The following GALNT10 variants were observed in gnomAD, a reference collection of about 807,000 sequenced individuals.
The protein encoded by GALNT10 is polypeptide N-acetylgalactosaminyltransferase 10.
GALNT10 carries 41 observed loss-of-function variants against 75.0 expected under a neutral mutation model. The observed-to-expected ratio is 0.55, with a 90% CI of 0.43 to 0.71. The LOEUF (loss-of-function observed/expected upper bound fraction) is 0.71, where lower values mean the gene tolerates loss of function less well. GALNT10 is among the 30% of genes least tolerant of loss of function. GALNT10 has a pLI of 0.00. For synonymous variants in GALNT10, 302 were observed against 313.0 expected, an observed-to-expected ratio of 0.96 and a Z score of 0.37; for missense variants, 727 against 818.5, an observed-to-expected ratio of 0.89 and a Z score of 1.36.
chr5:154,260,844 C>G (rs1341780376), intron 1 of GALNT10, among the ~76,000 whole-genome samples: 1 of 152,172 alleles, frequency 6.6e-6, no homozygotes, highest in Non-Finnish European at 1.5e-5. Flanking sequence ...CATTTAGATG[C>G]TGATCACAAC....
chr5:154,190,781 T>C lies in GALNT10; in HGVS notation c.-86T>C. Reference sequence around the variant, plus strand: ...CAGCCGCTTCTGCTGGCTGAGCTGCTGCCGCCGCCGGGCGGACGGGCGGAC... The same window carrying C: ...CAGCCGCTTCTGCTGGCTGAGCTGCCGCCGCCGCCGGGCGGACGGGCGGAC... On this transcript the variant is annotated 5_prime_UTR_variant, in exon 1 of 12. Transcript: ENST00000297107. 1 of 402,160 alleles carries C rather than the reference T, an allele frequency of 2.5e-6. No individual in the cohort carries two copies. Among genetic ancestry groups the C allele is most frequent in the Non-Finnish European group, 3.2e-6 (1 of 309,332 alleles). 24.9% of individuals were successfully genotyped at this position (402,160 alleles called of 1,614,324 possible).
intron 1 of GALNT10, among the ~76,000 whole-genome samples, chr5:154,244,618 G>A (rs1753391492): frequency 6.6e-6 from 1 of 152,112 alleles, no homozygotes; most frequent in African/African-American, 2.4e-5. Flanking sequence ...CTGGAGGACT[G>A]CCCAGGATGG....
chr5:154,417,198 CAG>C lies in GALNT10; in HGVS notation c.*230_*231del, dbSNP rs1756532710. ...ATCCCACAAGAGGCCCCACAGGGAGCAGAGACTGCTTTAATCCCTGCTGACAT... is the reference window on the plus strand; with the variant it reads ...ATCCCACAAGAGGCCCCACAGGGAGCAGACTGCTTTAATCCCTGCTGACAT... On this transcript the variant is annotated 3_prime_UTR_variant, in exon 12 of 12. Coordinates refer to ENST00000297107, the MANE Select transcript of GALNT10 (RefSeq NM_198321.4). 3 of 546,654 alleles carry C rather than the reference CAG, an allele frequency of 5.5e-6. No homozygotes were observed. The highest frequency in any genetic ancestry group is 9.8e-6 in the Non-Finnish European group (3 of 304,904). 33.9% of individuals were successfully genotyped at this position (546,654 alleles called of 1,614,324 possible).
intron 7 of GALNT10, chr5:154,389,061 T>G (rs933426110): frequency 2.0e-5 from 3 of 151,918 alleles, no homozygotes; most frequent in Non-Finnish European, 4.4e-5. Context: ...GGTGTTGATA[T>G]GCATTCTGAG....
rs775064214 is a variant in GALNT10 at position 154,329,696 on chromosome 5, C to G, written c.526C>G (p.Leu176Val). 4 of 1,613,788 alleles carry G rather than the reference C, an allele frequency of 2.5e-6. No homozygotes were observed. The highest frequency in any genetic ancestry group is 3.4e-6 in the Non-Finnish European group (4 of 1,179,678). The change falls in exon 4 of 12, where the codon CTG (leucine) becomes GTG (valine). Residue 176 changes from leucine to valine, a missense_variant. Coordinates refer to ENST00000297107, the MANE Select transcript of GALNT10 (RefSeq NM_198321.4). ...TGTGCTCAATCGCTCGCCTCCAGAG[C>G]TGGTCGCCGAGATTGTACTGGTCGA... ...HSVLNRSPPE[L>V]VAEIVLVDDF...
In GALNT10 at chr5:154,190,813, A is replaced by G; in HGVS notation, c.-54A>G. Reference sequence around the variant, plus strand: ...GCCGGGCGGACGGGCGGACGCGCGGAGCTGGGGGCGGCGCGGCGGGGCCGG... The same window carrying G: ...GCCGGGCGGACGGGCGGACGCGCGGGGCTGGGGGCGGCGCGGCGGGGCCGG... On this transcript the variant is annotated 5_prime_UTR_variant, in exon 1 of 12. Transcript: ENST00000297107. The G allele has an allele frequency of 1.0e-6, 1 of 981,922 alleles. No individual in the cohort carries two copies. Among genetic ancestry groups the G allele is most frequent in the Non-Finnish European group, 1.2e-6 (1 of 813,148 alleles). The allele number at this position is 981,922 out of a possible 1,614,324, so 60.8% of individuals were successfully genotyped here. A position where few individuals can be genotyped will look rare whatever the true frequency, so the allele number is the denominator to read the frequency against.
At chr5:154,414,455 T>C (rs1756464227) in intron 10 of GALNT10, among the ~76,000 whole-genome samples, 1 of 152,062 alleles carries the variant, frequency 6.6e-6, no homozygotes, top group African/African-American at 2.4e-5. Flanking sequence ...TCAACAAAAT[T>C]ATGTTGAGTG....
chr5:154,332,202 C>T (rs971319107), intron 4 of GALNT10, among the ~76,000 whole-genome samples: 7 of 152,186 alleles, frequency 4.6e-5, no homozygotes, highest in Non-Finnish European at 4.4e-5. Flanking sequence ...GATTGATTTT[C>T]TGCAGCATAA....
At chr5:154,405,753 G>A (rs1049942263) in intron 8 of GALNT10, among the ~76,000 whole-genome samples, 2 of 152,062 alleles carry the variant, frequency 1.3e-5, no homozygotes, top group Non-Finnish European at 2.9e-5. Flanking sequence ...AGCTGAGGTG[G>A]GAAGATCACT....
chr5:154,405,868 T>C (rs1196306378), intron 8 of GALNT10, among the ~76,000 whole-genome samples: 2 of 107,584 alleles, frequency 1.9e-5, no homozygotes, highest in East Asian at 8.5e-4. Context: ...GTTGTTGTTG[T>C]TGCTGTTGTT....
chr5:154,334,313 G>A (rs74956379), intron 4 of GALNT10, among the ~76,000 whole-genome samples: 1,721 of 152,336 alleles, frequency 0.011, 31 homozygotes, highest in African/African-American at 0.039. Context: ...AATAATCCTG[G>A]CCCTGCTTAC....
chr5:154,243,699 C>T (rs1753375672), intron 1 of GALNT10, among the ~76,000 whole-genome samples: 1 of 152,214 alleles, frequency 6.6e-6, no homozygotes, highest in Admixed American at 6.5e-5. Flanking sequence ...GGGTCTGTCA[C>T]AGAGTAAACC....
At chr5:154,335,831 T>C (rs541888462) in intron 4 of GALNT10, among the ~76,000 whole-genome samples, 1 of 152,310 alleles carries the variant, frequency 6.6e-6, no homozygotes, top group African/African-American at 2.4e-5. Context: ...TACATCACTT[T>C]CTCCTAAAAT....
chr5:154,244,628 G>A (rs1371837749), intron 1 of GALNT10, among the ~76,000 whole-genome samples: 3 of 152,142 alleles, frequency 2.0e-5, no homozygotes, highest in Non-Finnish European at 4.4e-5. Context: ...GCCCAGGATG[G>A]AGTGATAATC....
chr5:154,347,061 T>A (rs1755132992), intron 4 of GALNT10: 1 of 438,240 alleles, frequency 2.3e-6, no homozygotes, highest in South Asian at 1.7e-5. Context: ...AAACCATCAT[T>A]AATAATAATA....
chr5:154,191,326 A>T (rs892094193), intron 1 of GALNT10, among the ~76,000 whole-genome samples: 5 of 151,802 alleles, frequency 3.3e-5, no homozygotes, highest in Admixed American at 6.6e-5. Flanking sequence ...CTTTTGAAGG[A>T]TCCTATCTGC....
intron 1 of GALNT10, among the ~76,000 whole-genome samples, chr5:154,253,610 C>T (rs1221609684): frequency 6.6e-6 from 1 of 150,398 alleles, no homozygotes; most frequent in Non-Finnish European, 1.5e-5. Flanking sequence ...GACATCAGTA[C>T]TTTTAAGTTA....
chr5:154,252,878 C>T (rs1388622117), intron 1 of GALNT10, among the ~76,000 whole-genome samples: 3 of 151,678 alleles, frequency 2.0e-5, no homozygotes, highest in African/African-American at 7.3e-5. Context: ...TCTCTGTAGT[C>T]ACTTTCTCTT....
At chr5:154,283,142 C>T (rs540919538) in intron 1 of GALNT10, among the ~76,000 whole-genome samples, 3 of 151,972 alleles carry the variant, frequency 2.0e-5, no homozygotes, top group Admixed American at 6.6e-5. Context: ...TCTAAGAAAT[C>T]GTTATATAAG....
Sources: gnomAD v4.1 joint callset for allele counts (sites outside exome capture counted in the v4.1 genomes callset) on GRCh38, gnomAD v4.1.1 for gene constraint, MANE v1.5 for transcripts, NCBI Gene and HGNC (gene_info 2026-07-23, HGNC 2026-07-21) for gene names.